Variants in NRXN3 observed in about 807,000 individuals in gnomAD.
NRXN3 encodes neurexin III.
NRXN3 carries 32 observed loss-of-function variants against 137.6 expected under a neutral mutation model. The ratio of observed to expected loss-of-function variants is 0.23; its 90% CI spans 0.18 to 0.31. The LOEUF (loss-of-function observed/expected upper bound fraction) is 0.31, where lower values mean the gene tolerates loss of function less well. NRXN3 is among the 10% of genes least tolerant of loss of function. NRXN3 has a pLI of 1.00. For missense variants in NRXN3, 1,574 were observed against 2,062.5 expected (o/e 0.76, Z 4.59); for synonymous variants, 798 against 784.5 (o/e 1.02, Z -0.29).
intron 17 of NRXN3, among the ~76,000 whole-genome samples, chr14:79,665,036 G>A (rs1429822420): frequency 6.6e-6 from 1 of 152,134 alleles, no homozygotes; most frequent in East Asian, 1.9e-4. Flanking sequence ...TTATGCTTGT[G>A]AGAAAGATAC....
At chr14:79,857,383 G>A (rs1175577760) in intron 20 of NRXN3, among the ~76,000 whole-genome samples, 2 of 152,008 alleles carry the variant, frequency 1.3e-5, no homozygotes, top group African/African-American at 2.4e-5. Context: ...CACTATGCCT[G>A]GCTAATTTTT....
chr14:78,957,980 C>G (rs533999777), intron 11 of NRXN3, among the ~76,000 whole-genome samples: 10 of 152,144 alleles, frequency 6.6e-5, no homozygotes, highest in Non-Finnish European at 1.3e-4. Context: ...AAGAAACATT[C>G]AGAGCTCCAC....
chr14:78,809,886 GA>G (rs1250759764), intron 9 of NRXN3, among the ~76,000 whole-genome samples: 4 of 152,000 alleles, frequency 2.6e-5, no homozygotes, highest in Non-Finnish European at 5.9e-5. Context: ...CGAATTTTAA[GA>G]AAATAAATTA....
At chr14:79,741,769 A>T (rs1169890735) in intron 19 of NRXN3, among the ~76,000 whole-genome samples, 1 of 151,676 alleles carries the variant, frequency 6.6e-6, no homozygotes. Flanking sequence ...TACAGGTGTG[A>T]GCCACCATAC....
intron 10 of NRXN3, among the ~76,000 whole-genome samples, chr14:78,916,425 G>A (rs574921938): frequency 9.2e-5 from 14 of 152,316 alleles, no homozygotes; most frequent in Non-Finnish European, 1.6e-4. Flanking sequence ...GGTCACAGAA[G>A]CTTGTCCGAG....
chr14:79,261,022 A>G (rs745508364), intron 15 of NRXN3, among the ~76,000 whole-genome samples: 6 of 152,178 alleles, frequency 3.9e-5, no homozygotes, highest in Non-Finnish European at 8.8e-5. Flanking sequence ...ATCCAGGTTC[A>G]TGGCAAAGTT....
At chr14:79,510,485 C>G (rs1215098421) in intron 16 of NRXN3, among the ~76,000 whole-genome samples, 1 of 152,180 alleles carries the variant, frequency 6.6e-6, no homozygotes, top group Non-Finnish European at 1.5e-5. Flanking sequence ...AATACCTTGC[C>G]TCACTCCTGC....
At chr14:78,472,394 A>G (rs1456977715) in intron 4 of NRXN3, among the ~76,000 whole-genome samples, 2 of 152,282 alleles carry the variant, frequency 1.3e-5, no homozygotes, top group East Asian at 1.9e-4. Flanking sequence ...CTTGGCAACA[A>G]CATTTAGTAA....
intron 19 of NRXN3, among the ~76,000 whole-genome samples, chr14:79,769,292 G>A (rs1434062000): frequency 6.6e-6 from 1 of 150,500 alleles, no homozygotes; most frequent in African/African-American, 2.4e-5. Flanking sequence ...GATACTCCTC[G>A]AGAAGAGCAA....
intron 19 of NRXN3, among the ~76,000 whole-genome samples, chr14:79,705,772 A>G (rs1401664914): frequency 6.6e-6 from 1 of 152,122 alleles, no homozygotes; most frequent in African/African-American, 2.4e-5. Context: ...TGTAAAATAC[A>G]ACACTCTATC....
chr14:79,108,061 A>C (rs2052778510), intron 15 of NRXN3, among the ~76,000 whole-genome samples: 1 of 152,152 alleles, frequency 6.6e-6, no homozygotes, highest in African/African-American at 2.4e-5. Context: ...AGAATTTGTG[A>C]ACAGGGAAGG....
rs569384584 is a variant in NRXN3 at position 78,793,864 on chromosome 14, C to A, written c.2045-9756C>A. On this transcript the variant is annotated intron_variant, in intron 8 of 20. Transcript: ENST00000335750. ...TCTTACCACTCAGAAATTCCATGAG[C>A]TCAATACACAGGAGCTGGTGAAGGG... Among the ~76,000 whole-genome samples, 18 of 152,296 alleles carry A rather than the reference C, an allele frequency of 1.2e-4. No individual in the cohort carries two copies. In the South Asian group the frequency reaches 2.9e-3, roughly 25 times the overall value.
chr14:79,003,830 C>T (rs892278730), intron 15 of NRXN3, among the ~76,000 whole-genome samples: 6 of 152,184 alleles, frequency 3.9e-5, no homozygotes, highest in African/African-American at 7.2e-5. Flanking sequence ...TTAGGGGATT[C>T]GACCAAAACC....
intron 16 of NRXN3, among the ~76,000 whole-genome samples, chr14:79,545,767 T>G: frequency 6.6e-6 from 1 of 151,984 alleles, no homozygotes; most frequent in East Asian, 1.9e-4. Flanking sequence ...TACCTTTCTG[T>G]GTCCTACAGA....
chr14:78,892,282 AAG>A (rs1372239280), intron 10 of NRXN3, among the ~76,000 whole-genome samples: 3 of 152,024 alleles, frequency 2.0e-5, no homozygotes, highest in Non-Finnish European at 4.4e-5. Flanking sequence ...GGCTTGAAGA[AAG>A]AGATTGTATT....
chr14:78,614,074 G>A (rs377427228), intron 4 of NRXN3, among the ~76,000 whole-genome samples: 61 of 152,130 alleles, frequency 4.0e-4, no homozygotes, highest in African/African-American at 1.2e-3. Context: ...CATCAGTGCC[G>A]TCCAAGAGCT....
intron 4 of NRXN3, among the ~76,000 whole-genome samples, chr14:78,305,318 G>A (rs61976021): frequency 0.01 from 1,534 of 152,134 alleles, 11 homozygotes; most frequent in Non-Finnish European, 0.015. Flanking sequence ...GGGCAGCAGG[G>A]GGATTTAGTT....
intron 4 of NRXN3, among the ~76,000 whole-genome samples, chr14:78,392,156 T>G (rs2090868770): frequency 6.6e-6 from 1 of 152,150 alleles, no homozygotes; most frequent in Non-Finnish European, 1.5e-5. Flanking sequence ...CAAGAGAAGT[T>G]TGGTCTTAGA....
intron 19 of NRXN3, among the ~76,000 whole-genome samples, chr14:79,728,783 G>A (rs1014437033): frequency 2.6e-5 from 4 of 152,170 alleles, no homozygotes; most frequent in East Asian, 3.9e-4. Context: ...AATCTCGTAC[G>A]GGGGAAGTAA....
Sources: gnomAD v4.1 joint callset for allele counts (sites outside exome capture counted in the v4.1 genomes callset) on GRCh38, gnomAD v4.1.1 for gene constraint, MANE v1.5 for transcripts, NCBI Gene and HGNC (gene_info 2026-07-23, HGNC 2026-07-21) for gene names.